Variants in AKAP7 observed in about 807,000 individuals in gnomAD.
AKAP7 encodes the protein A kinase (PRKA) anchor protein 7.
AKAP7 carries 39 observed loss-of-function variants against 39.5 expected under a neutral mutation model. That is an observed-to-expected ratio of 0.99 (90% confidence interval 0.76 to 1.29). AKAP7 has a LOEUF of 1.29. Ranked by LOEUF, AKAP7 falls within the 50% of genes most tolerant of loss-of-function variation. The pLI is 0.00. For missense variants in AKAP7, 414 were observed against 407.7 expected (o/e 1.02, Z -0.13); for synonymous variants, 140 against 139.1 (o/e 1.01, Z -0.05).
intron 5 of AKAP7, among the ~76,000 whole-genome samples, chr6:131,178,954 C>T (rs767223459): frequency 6.6e-6 from 1 of 152,066 alleles, no homozygotes; most frequent in Non-Finnish European, 1.5e-5. Flanking sequence ...GTACTGGACT[C>T]AACAGAGTCT....
intron 6 of AKAP7, among the ~76,000 whole-genome samples, chr6:131,201,732 T>C (rs898970833): frequency 3.3e-5 from 5 of 152,122 alleles, no homozygotes; most frequent in Admixed American, 1.3e-4. Flanking sequence ...TTAGGTCTAA[T>C]GTTTAAGTCT....
the AKAP7 span, among the ~76,000 whole-genome samples, chr6:131,128,423 T>G: frequency 6.6e-6 from 1 of 152,306 alleles, no homozygotes; most frequent in African/African-American, 2.4e-5. Flanking sequence ...AGCATATAGA[T>G]TTGCATGAAG....
intron 7 of AKAP7, among the ~76,000 whole-genome samples, chr6:131,272,196 A>G (rs1331178515): frequency 6.6e-6 from 1 of 152,218 alleles, no homozygotes; most frequent in African/African-American, 2.4e-5. Flanking sequence ...TAATGTTTGT[A>G]TAATCGATAG....
At chr6:131,126,186 T>C in the AKAP7 span, among the ~76,000 whole-genome samples, 1 of 152,240 alleles carries the variant, frequency 6.6e-6, no homozygotes, top group Non-Finnish European at 1.5e-5. Context: ...TATGGCTTAT[T>C]TTTGGTTGCT....
At chr6:131,237,691 C>G (rs1811187148) in intron 7 of AKAP7, among the ~76,000 whole-genome samples, 1 of 152,042 alleles carries the variant, frequency 6.6e-6, no homozygotes, top group African/African-American at 2.4e-5. Flanking sequence ...GTTTATTTGC[C>G]TAGAGGTGTT....
upstream of AKAP7, among the ~76,000 whole-genome samples, chr6:131,133,832 T>C (rs938170384): frequency 6.6e-6 from 1 of 152,206 alleles, no homozygotes; most frequent in Non-Finnish European, 1.5e-5. Context: ...TTAACGATGA[T>C]AAAGTGTGGA....
intron 3 of AKAP7, among the ~76,000 whole-genome samples, chr6:131,162,414 T>C (rs1803059731): frequency 6.6e-6 from 1 of 152,178 alleles, no homozygotes; most frequent in Non-Finnish European, 1.5e-5. Flanking sequence ...GACTTGTTAG[T>C]CCCAGCTGAG....
At chr6:131,185,794 A>G (rs901504832) in intron 5 of AKAP7, among the ~76,000 whole-genome samples, 2 of 152,158 alleles carry the variant, frequency 1.3e-5, no homozygotes, top group South Asian at 2.1e-4. Context: ...ATTATATCCT[A>G]TGATGCACAA....
intron 5 of AKAP7, chr6:131,185,454 GA>G: frequency 2.5e-6 from 1 of 400,630 alleles, no homozygotes; most frequent in Admixed American, 3.1e-5. Context: ...TGCTCCCAAG[GA>G]ACTTCATTGC....
At chr6:131,130,440 G>T in the AKAP7 span, among the ~76,000 whole-genome samples, 10 of 152,282 alleles carry the variant, frequency 6.6e-5, no homozygotes, top group East Asian at 1.9e-3. Flanking sequence ...GGAATTACAG[G>T]CATGTGCCGC....
At chr6:131,185,181 G>T in intron 5 of AKAP7, 1 of 509,180 alleles carries the variant, frequency 2.0e-6, no homozygotes. Context: ...CTTCAGGGTG[G>T]GGTCTGTGTC....
chr6:131,258,892 A>T (rs1813077610), intron 7 of AKAP7, among the ~76,000 whole-genome samples: 1 of 152,228 alleles, frequency 6.6e-6, no homozygotes, highest in African/African-American at 2.4e-5. Flanking sequence ...GGAGAAAGTG[A>T]TATACAAACA....
the AKAP7 span, among the ~76,000 whole-genome samples, chr6:131,126,829 G>A: frequency 5.3e-5 from 8 of 152,026 alleles, no homozygotes; most frequent in African/African-American, 9.7e-5. Flanking sequence ...AAGAGAAATC[G>A]GAGTAATTTA....
chr6:131,223,036 A>G (rs1809845297), intron 7 of AKAP7, among the ~76,000 whole-genome samples: 1 of 152,264 alleles, frequency 6.6e-6, no homozygotes, highest in South Asian at 2.1e-4. Context: ...TAATGCTCAG[A>G]TGATTGTAAG....
At chr6:131,228,675 T>G (rs2128304241) in intron 7 of AKAP7, among the ~76,000 whole-genome samples, 1 of 152,186 alleles carries the variant, frequency 6.6e-6, no homozygotes. Flanking sequence ...ATACTTTAGG[T>G]TCACCAGTTC....
At chr6:131,273,226 A>AT (rs887201288) in intron 7 of AKAP7, among the ~76,000 whole-genome samples, 1 of 151,774 alleles carries the variant, frequency 6.6e-6, no homozygotes, top group Non-Finnish European at 1.5e-5. Context: ...TTTGAAGTGG[A>AT]TTTTTTTTGG....
intron 7 of AKAP7, among the ~76,000 whole-genome samples, chr6:131,264,000 T>C (rs993767308): frequency 1.3e-5 from 2 of 152,200 alleles, no homozygotes; most frequent in Non-Finnish European, 2.9e-5. Flanking sequence ...CCCCCATTCT[T>C]TACTTGCTAT....
At chr6:131,255,524 C>T (rs1486275258) in intron 7 of AKAP7, among the ~76,000 whole-genome samples, 1 of 152,164 alleles carries the variant, frequency 6.6e-6, no homozygotes, top group Non-Finnish European at 1.5e-5. Context: ...TCTTCCTTGC[C>T]AGTAAAAATG....
intron 5 of AKAP7, among the ~76,000 whole-genome samples, chr6:131,179,061 G>C (rs1006036291): frequency 1.3e-5 from 2 of 152,150 alleles, no homozygotes; most frequent in African/African-American, 4.8e-5. Flanking sequence ...GAGAGTCCCT[G>C]CCCACTGTGA....
Sources: allele counts gnomAD v4.1 joint callset (sites outside exome capture counted in the v4.1 genomes callset), GRCh38; gene constraint gnomAD v4.1.1; transcripts MANE v1.5; gene names NCBI Gene and HGNC (gene_info 2026-07-23, HGNC 2026-07-21).